DCAF17: variants seen among roughly 807,000 people sequenced by gnomAD.
The protein encoded by DCAF17 is DDB1- and CUL4-associated factor 17.
A neutral mutation model predicts 66.0 loss-of-function variants in DCAF17; 48 were observed. The observed-to-expected ratio is 0.73, with a 90% confidence interval of 0.58 to 0.92. The LOEUF (loss-of-function observed/expected upper bound fraction) is 0.92. Ranked by LOEUF, DCAF17 falls within the 40% of genes least tolerant of loss-of-function variation. DCAF17 has a pLI of 0.00. For synonymous variants in DCAF17, 206 were observed against 214.6 expected, an observed-to-expected ratio of 0.96 and a Z score of 0.35; for missense variants, 562 against 622.8, an observed-to-expected ratio of 0.90 and a Z score of 1.04.
chr2:171,452,495 C>T (rs1695011470), intron 5 of DCAF17, among the ~76,000 whole-genome samples: 1 of 152,062 alleles, frequency 6.6e-6, no homozygotes, highest in South Asian at 2.1e-4. Flanking sequence ...TGTCTGATGC[C>T]CAGGCTGGAG....
chr2:171,463,241 CAGAA>C (rs1200185666), intron 8 of DCAF17, among the ~76,000 whole-genome samples: 24 of 138,612 alleles, frequency 1.7e-4, no homozygotes, highest in South Asian at 1.6e-3. Flanking sequence ...AAAAAAAAAA[CAGAA>C]AGAAGAATTC....
Position 171,480,091 on chromosome 2 carries a change from T to A in DCAF17, c.1320T>A (p.Ala440=). Residue 440 remains alanine (A), a synonymous_variant, in exon 13 of 14, where the codon GCT becomes GCA. Coordinates refer to ENST00000375255, the MANE Select transcript of DCAF17 (RefSeq NM_025000.4). ...AGTTAGATTTGCTTTCTGTGGTAGC[T>A]GTTACTCAAATAGATGCTGAAGGAA... ...EDELDLLSVV[A]VTQIDAEGKA... 6.2e-7 allele frequency: 1 copy of A among 1,613,878 alleles called. No individual in the cohort carries two copies. The highest frequency in any genetic ancestry group is 8.5e-7 in the Non-Finnish European group (1 of 1,179,812).
rs1221479596 is a variant in DCAF17, at chr2:171,482,187, C to T, written c.*1073C>T. ...GGGAGAAAATGTTTCTTTGTGCTTC[C>T]TGTTTGAGAAATTCAGTTGCTTCCA... On this transcript the variant is annotated 3_prime_UTR_variant, in exon 14 of 14. Transcript: ENST00000375255. 4.4e-6 allele frequency: 2 copies of T among 452,094 alleles called. No homozygotes were observed. The highest frequency in any genetic ancestry group is 4.0e-5 in the African/African-American group (2 of 49,950). The allele number at this position is 452,094 out of a possible 1,614,324, so 28.0% of individuals were successfully genotyped here.
intron 8 of DCAF17, among the ~76,000 whole-genome samples, chr2:171,463,974 T>C (rs895997936): frequency 5.9e-5 from 9 of 152,178 alleles, no homozygotes; most frequent in African/African-American, 2.2e-4. Context: ...AACACACATA[T>C]ATAAACACAA....
intron 2 of DCAF17, among the ~76,000 whole-genome samples, chr2:171,440,982 G>A (rs1694276089): frequency 6.6e-6 from 1 of 152,202 alleles, no homozygotes; most frequent in African/African-American, 2.4e-5. Flanking sequence ...AGAGAGAATA[G>A]TCAGCTTTTG....
intron 2 of DCAF17, 89 bp downstream of exon 2, chr2:171,435,275 C>T (rs1693798116): frequency 2.0e-6 from 2 of 983,476 alleles, no homozygotes; most frequent in African/African-American, 1.6e-5. Flanking sequence ...ACATTAGTGC[C>T]TAGTGAAATA....
chr2:171,483,525 G>A lies in DCAF17; in HGVS notation c.*2411G>A, dbSNP rs1475224009. The A allele has an allele frequency of 2.2e-6, 1 of 454,098 alleles. No homozygotes were observed. Among genetic ancestry groups the A allele is most frequent in the Admixed American group, 2.3e-5 (1 of 42,578 alleles). 28.1% of individuals were successfully genotyped at this position (454,098 alleles called of 1,614,324 possible). ...TACAATATTTATCACAACTCTGGGA[G>A]AAAACAAAACAAATCCTATCCTATT... On this transcript the variant is annotated 3_prime_UTR_variant, in exon 14 of 14. Transcript: ENST00000375255.
Position 171,484,898 on chromosome 2 carries a change from G to A in DCAF17, c.*3784G>A. 1 of 453,876 alleles carries A rather than the reference G, an allele frequency of 2.2e-6. No individual in the cohort carries two copies. The highest frequency in any genetic ancestry group is 1.6e-5 in the South Asian group (1 of 64,436). 28.1% of individuals were successfully genotyped at this position (453,876 alleles called of 1,614,324 possible). A position where few individuals can be genotyped will look rare whatever the true frequency, so the allele number is the denominator to read the frequency against. ...GTTTTTGAGATTTATTCATGTTGTT[G>A]CATGTGTCAGTGATTCATTTCTTTT... On this transcript the variant is annotated 3_prime_UTR_variant, in exon 14 of 14. Transcript: ENST00000375255.
At chr2:171,466,337 T>A (rs1695896951) in intron 8 of DCAF17, among the ~76,000 whole-genome samples, 1 of 152,244 alleles carries the variant, frequency 6.6e-6, no homozygotes, top group African/African-American at 2.4e-5. Flanking sequence ...AAAGTATTAT[T>A]TGACCTTTCA....
intron 6 of DCAF17, among the ~76,000 whole-genome samples, chr2:171,453,713 A>G (rs1014889549): frequency 5.3e-5 from 8 of 152,150 alleles, no homozygotes; most frequent in Admixed American, 5.2e-4. Flanking sequence ...ACATGGGAGG[A>G]AAGAAGGAGC....
At chr2:171,460,899 T>G (rs1177924386) in intron 8 of DCAF17, among the ~76,000 whole-genome samples, 1 of 152,126 alleles carries the variant, frequency 6.6e-6, no homozygotes, top group African/African-American at 2.4e-5. Flanking sequence ...ATAATAATAT[T>G]TGAAAACATG....
chr2:171,439,369 G>C (rs6433292), intron 2 of DCAF17, among the ~76,000 whole-genome samples: 32,641 of 151,316 alleles, frequency 0.22, 3,630 homozygotes, highest in South Asian at 0.29. Context: ...CTCTTTTATT[G>C]CCCCAGCTTG....
Position 171,438,753 on chromosome 2 carries a change from C to T in DCAF17, c.230+3567C>T, listed in dbSNP as rs1350371737. On this transcript the variant is annotated intron_variant, in intron 2 of 13. Coordinates refer to ENST00000375255, the MANE Select transcript of DCAF17 (RefSeq NM_025000.4). Reference sequence around the variant, plus strand: ...TATCTGTGCCTTTTTTTTTCCCCCCCAAAGTCAGGGTCTGGCTGTGTCTCC... The same window carrying T: ...TATCTGTGCCTTTTTTTTTCCCCCCTAAAGTCAGGGTCTGGCTGTGTCTCC... Among the ~76,000 whole-genome samples, 2 of 151,798 alleles carry T rather than the reference C, an allele frequency of 1.3e-5. 1 individual carries two copies. The highest frequency in any genetic ancestry group is 4.8e-5 in the African/African-American group (2 of 41,344).
Position 171,481,622 on chromosome 2 carries a change from TCA to T in DCAF17, c.*511_*512del, listed in dbSNP as rs1365089344. 6 of 453,778 alleles carry T rather than the reference TCA, an allele frequency of 1.3e-5. No homozygotes were observed. Among genetic ancestry groups the T allele is most frequent in the Non-Finnish European group, 2.6e-5 (6 of 226,690 alleles). The allele number at this position is 453,778 out of a possible 1,614,324, so 28.1% of individuals were successfully genotyped here. A position where few individuals can be genotyped will look rare whatever the true frequency, so the allele number is the denominator to read the frequency against. Reference sequence around the variant, plus strand: ...ATTATTTTGAGCCCAAAATGTGTCATCACAGTTTTTAAAAATCTTATATATGT... The same window carrying T: ...ATTATTTTGAGCCCAAAATGTGTCATCAGTTTTTAAAAATCTTATATATGT... On this transcript the variant is annotated 3_prime_UTR_variant, in exon 14 of 14. Transcript: ENST00000375255.
chr2:171,436,900 G>A (rs1047722434), intron 2 of DCAF17, among the ~76,000 whole-genome samples: 22 of 150,986 alleles, frequency 1.5e-4, no homozygotes, highest in Non-Finnish European at 2.2e-4. Context: ...TCAGCCTCCC[G>A]AGTAGCTGGG....
intron 1 of DCAF17, 102 bp from the exon 2 acceptor site, chr2:171,434,981 G>C: frequency 8.8e-7 from 1 of 1,140,582 alleles, no homozygotes; most frequent in Non-Finnish European, 1.3e-6. Context: ...GATGCAAAAA[G>C]TTTTAAAATA....
chr2:171,463,319 C>T (rs1238882829), intron 8 of DCAF17, among the ~76,000 whole-genome samples: 1 of 146,762 alleles, frequency 6.8e-6, no homozygotes, highest in African/African-American at 2.5e-5. Context: ...AAAAAAAAAT[C>T]GGTGCAAAAC....
At chr2:171,452,517 G>C (rs1261586035) in intron 5 of DCAF17, among the ~76,000 whole-genome samples, 1 of 152,202 alleles carries the variant, frequency 6.6e-6, no homozygotes, top group Non-Finnish European at 1.5e-5. Context: ...GCAATGGCTT[G>C]ATCAGAGTTC....
Position 171,483,426 on chromosome 2 carries a change from G to A in DCAF17, c.*2312G>A, listed in dbSNP as rs777311799. ...GTTACGCTGAAAAGAGGTGCATTCTGCATTGCACTCCTGGATCTAAGTTTC... is the reference window on the plus strand; with the variant it reads ...GTTACGCTGAAAAGAGGTGCATTCTACATTGCACTCCTGGATCTAAGTTTC... On this transcript the variant is annotated 3_prime_UTR_variant, in exon 14 of 14. Transcript: ENST00000375255. 4.4e-4 allele frequency: 202 copies of A among 454,100 alleles called. 1 individual carries two copies. In the Middle Eastern group the frequency reaches 4.8e-3, roughly 11 times the overall value. The allele number at this position is 454,100 out of a possible 1,614,324, so 28.1% of individuals were successfully genotyped here. A position where few individuals can be genotyped will look rare whatever the true frequency, so the allele number is the denominator to read the frequency against.
Sources: gnomAD v4.1 joint callset for allele counts (sites outside exome capture counted in the v4.1 genomes callset) on GRCh38, gnomAD v4.1.1 for gene constraint, MANE v1.5 for transcripts, NCBI Gene and HGNC (gene_info 2026-07-23, HGNC 2026-07-21) for gene names.